ARMC2: variants seen among roughly 807,000 people sequenced by gnomAD.
ARMC2 encodes the protein armadillo repeat-containing protein 2.
In ARMC2, 67 loss-of-function variants were observed where a neutral mutation model predicts 90.3. The observed-to-expected ratio is 0.74, with a 90% confidence interval of 0.61 to 0.91. ARMC2 has a LOEUF of 0.91. Ranked by LOEUF, ARMC2 falls within the 40% of genes least tolerant of loss-of-function variation. The pLI, the probability that ARMC2 is intolerant of heterozygous loss-of-function variation, is 0.00. For synonymous variants in ARMC2, 393 were observed against 393.0 expected, an observed-to-expected ratio of 1.00 and a Z score of 0.00; for missense variants, 920 against 1,030.9, an observed-to-expected ratio of 0.89 and a Z score of 1.47.
chr6:109,028,993 A>C, the ARMC2 span, among the ~76,000 whole-genome samples: 1 of 152,216 alleles, frequency 6.6e-6, no homozygotes, highest in African/African-American at 2.4e-5. Flanking sequence ...GATTTAGTCT[A>C]AATTGTTCAC....
chr6:108,858,433 T>G (rs772507805), intron 3 of ARMC2, among the ~76,000 whole-genome samples, 162 bp downstream of exon 3: 1 of 152,130 alleles, frequency 6.6e-6, no homozygotes, highest in Non-Finnish European at 1.5e-5. Flanking sequence ...ATTGTTCAAA[T>G]GTAATGGGTA....
chr6:109,021,407 A>C, the ARMC2 span, among the ~76,000 whole-genome samples: 1 of 151,946 alleles, frequency 6.6e-6, no homozygotes, highest in African/African-American at 2.4e-5. Flanking sequence ...GTAGGGGAAA[A>C]GTTTGGAGAC....
Position 108,872,883 on chromosome 6 carries a change from G to A in ARMC2, c.464-3260G>A, listed in dbSNP as rs144048050. 4.2e-3 allele frequency among the ~76,000 whole-genome samples: 635 copies of A among 152,290 alleles called. 1 individual carries two copies. Among genetic ancestry groups the A allele is most frequent in the Admixed American group, 7.5e-3 (115 of 15,294 alleles). On this transcript the variant is annotated intron_variant, in intron 4 of 17. Transcript: ENST00000392644. ...GGGTTCAGTGCTCAAATAGGTCAGG[G>A]AAACACTGCCTACCCCTCATCTTCT...
chr6:108,986,015 A>G, the ARMC2 span, among the ~76,000 whole-genome samples: 1 of 152,224 alleles, frequency 6.6e-6, no homozygotes, highest in Non-Finnish European at 1.5e-5. Flanking sequence ...ACACTACCCC[A>G]TACATTTGTA....
In ARMC2 at chr6:108,876,316, A is replaced by G. The variant is rs1776930952; in HGVS notation, c.637A>G (p.Thr213Ala). ...EIKEQEMFKG[T>A]TSLPSHLKNG... The stretch of plus-strand genomic sequence containing the variant: ...AAAGGAGCAAGAAATGTTCAAAGGA[A>G]CAACATCTTTACCATCTCATCTCAA... The change falls in exon 5 of 18, where the codon ACA becomes GCA. Residue 213 changes from threonine to alanine, a missense_variant. Thr to Ala is a moderately conservative substitution (Grantham distance 58, BLOSUM62 0). Coordinates refer to ENST00000392644, the MANE Select transcript of ARMC2 (RefSeq NM_032131.6). 1.9e-6 allele frequency: 3 copies of G among 1,612,736 alleles called. No individual in the cohort carries two copies. The highest frequency in any genetic ancestry group is 2.5e-6 in the Non-Finnish European group (3 of 1,179,544).
downstream of ARMC2, among the ~76,000 whole-genome samples, chr6:108,975,581 A>C (rs1380855456): frequency 6.6e-6 from 1 of 152,204 alleles, no homozygotes; most frequent in Non-Finnish European, 1.5e-5. Context: ...GAATTGCCAC[A>C]CTGTCTTCCC....
intron 3 of ARMC2, among the ~76,000 whole-genome samples, chr6:108,862,164 T>G (rs1204643864): frequency 2.6e-5 from 4 of 151,546 alleles, no homozygotes; most frequent in Non-Finnish European, 5.9e-5. Context: ...GCCAACATGG[T>G]GAAACCCCGT....
chr6:108,879,881 G>A (rs1777348750), intron 5 of ARMC2: 1 of 465,030 alleles, frequency 2.2e-6, no homozygotes, highest in South Asian at 1.6e-5. Flanking sequence ...GTTTTCTAAT[G>A]TATAAAATGG....
At position 108,964,261 on chromosome 6, in the gene ARMC2, C is replaced by T; in HGVS notation, c.2234C>T (p.Thr745Ile). 6.2e-7 allele frequency: 1 copy of T among 1,613,788 alleles called. No homozygotes were observed. Among genetic ancestry groups the T allele is most frequent in the Non-Finnish European group, 8.5e-7 (1 of 1,179,750 alleles). Residue 745 changes from threonine to isoleucine, a missense_variant, in exon 16 of 18, where the codon ACT (threonine) becomes ATT (isoleucine). Transcript: ENST00000392644. Reference protein sequence around the residue: ...FSACGVLLNLTVDKDKRVILK... With the variant: ...FSACGVLLNLIVDKDKRVILK... ...GCCTGTGGTGTTCTCCTCAATCTCA[C>T]TGTGGATAAAGACAAGCGTGTCATC...
At chr6:108,926,099 A>G (rs1775080472) in intron 10 of ARMC2, among the ~76,000 whole-genome samples, 1 of 152,200 alleles carries the variant, frequency 6.6e-6, no homozygotes, top group South Asian at 2.1e-4. Context: ...GCCAGAGCTT[A>G]GATGTGGGGA....
intron 3 of ARMC2, among the ~76,000 whole-genome samples, chr6:108,867,429 A>G (rs1430086772): frequency 6.6e-5 from 10 of 152,136 alleles, no homozygotes; most frequent in Admixed American, 2.6e-4. Flanking sequence ...AAGATGGGGG[A>G]AAAAATAGGG....
At chr6:108,924,612 G>A (rs920671801) in intron 10 of ARMC2, among the ~76,000 whole-genome samples, 2 of 152,248 alleles carry the variant, frequency 1.3e-5, no homozygotes, top group Non-Finnish European at 1.5e-5. Context: ...AAGGGTTGAG[G>A]ACCTCATGTG....
intron 10 of ARMC2, among the ~76,000 whole-genome samples, chr6:108,927,176 T>C (rs2798650): frequency 0.25 from 38,244 of 151,986 alleles, 5,088 homozygotes; most frequent in East Asian, 0.4. Context: ...GTGCTTGTCA[T>C]CTGCTTTTCA....
the ARMC2 span, among the ~76,000 whole-genome samples, chr6:109,016,833 A>C: frequency 2.0e-5 from 3 of 152,214 alleles, no homozygotes; most frequent in African/African-American, 7.2e-5. Context: ...TTTTGCTTGT[A>C]GTAATAGAGA....
chr6:108,956,583 C>T (rs944173348), intron 13 of ARMC2, among the ~76,000 whole-genome samples: 12 of 151,158 alleles, frequency 7.9e-5, no homozygotes, highest in Admixed American at 2.6e-4. Flanking sequence ...CGCCTGTGAT[C>T]TCAGCTACTC....
At chr6:108,902,168 T>A (rs1772225908) in intron 7 of ARMC2, among the ~76,000 whole-genome samples, 1 of 152,266 alleles carries the variant, frequency 6.6e-6, no homozygotes. Context: ...TCTGTTACAA[T>A]CAAACTTTTA....
At chr6:109,033,217 G>C in the ARMC2 span, among the ~76,000 whole-genome samples, 4 of 152,284 alleles carry the variant, frequency 2.6e-5, no homozygotes, top group African/African-American at 9.6e-5. Context: ...GCTAAAGAGA[G>C]TGCAGTGGTC....
chr6:108,874,413 C>T (rs1036127906), intron 4 of ARMC2, among the ~76,000 whole-genome samples: 5 of 152,110 alleles, frequency 3.3e-5, no homozygotes, highest in Admixed American at 6.5e-5. Flanking sequence ...ATGAGAGAAA[C>T]GAATGCTAAA....
At chr6:108,975,344 T>C (rs1297718587), downstream of ARMC2, among the ~76,000 whole-genome samples, 7 of 152,240 alleles carry the variant, frequency 4.6e-5, no homozygotes, top group Admixed American at 3.3e-4. Context: ...CTCATCCTGA[T>C]TTATGGCTTC....
Sources: gnomAD v4.1 joint callset for allele counts (sites outside exome capture counted in the v4.1 genomes callset) on GRCh38, gnomAD v4.1.1 for gene constraint, MANE v1.5 for transcripts, NCBI Gene and HGNC (gene_info 2026-07-23, HGNC 2026-07-21) for gene names.